The following PDE10A variants were observed in gnomAD, a reference collection of about 807,000 sequenced individuals.
The protein encoded by PDE10A is phosphodiesterase 10A, also known as cAMP and cAMP-inhibited cGMP 3',5'-cyclic phosphodiesterase 10A.
Under a neutral mutation model 97.7 loss-of-function variants are expected in PDE10A, and 39 were observed. The ratio of observed to expected loss-of-function variants is 0.40; its 90% CI spans 0.31 to 0.52. The LOEUF (loss-of-function observed/expected upper bound fraction) is 0.52. PDE10A is among the 20% of genes least tolerant of loss of function. The probability of loss-of-function intolerance (pLI) is 0.56; values close to 1 mark genes in which losing one functional copy is unlikely to be tolerated. For synonymous variants in PDE10A, 371 were observed against 376.8 expected (o/e 0.98, Z 0.18); for missense variants, 731 against 1,047.8 (o/e 0.70, Z 4.17).
chr6:165,428,657 C>A lies in PDE10A; in HGVS notation c.1653+1G>T. On this transcript the variant is annotated splice_donor_variant, in intron 10 of 21. Transcript: ENST00000539869. LOFTEE classifies it high-confidence loss of function. ...TCATACTCAGAACAAAAACAACCTA[C>A]CATTATGTGTTCAAGTAGAGAATCT... The A allele has an allele frequency of 7.7e-7, 1 of 1,304,384 alleles. No homozygotes were observed. Among genetic ancestry groups the A allele is most frequent in the East Asian group, 2.3e-5 (1 of 42,636 alleles). The allele number at this position is 1,304,384 out of a possible 1,614,324, so 80.8% of individuals were successfully genotyped here.
rs1789710158 is a variant in PDE10A at position 165,433,012 on chromosome 6, G to A, written c.1453C>T (p.His485Tyr). 2 of 1,613,926 alleles carry A rather than the reference G, an allele frequency of 1.2e-6. No individual in the cohort carries two copies. The highest frequency in any genetic ancestry group is 2.7e-5 in the African/African-American group (2 of 75,006). ...AGACAGAAGGCTTCTTTGCCCCAGT[G>A]CCGATACAGCTCGAGAATACCAATC... Reference protein sequence around the residue: ...DLIGILELYRHWGKEAFCLSH... With the variant: ...DLIGILELYRYWGKEAFCLSH... The change falls in exon 7 of 22, where the codon CAC becomes TAC. Residue 485 changes from histidine (H) to tyrosine (Y), a missense_variant. Physicochemically the swap from His to Tyr is moderately conservative, Grantham distance 83. This residue lies in a region of PDE10A where 152 missense variants were observed against 199.3 expected (regional missense o/e 0.76). Coordinates refer to ENST00000539869, the MANE Select transcript of PDE10A (RefSeq NM_001385079.1).
At chr6:165,431,351 G>T in intron 8 of PDE10A, 71 bp downstream of exon 8, 1 of 914,124 alleles carries the variant, frequency 1.1e-6, no homozygotes, top group Non-Finnish European at 1.7e-6. Flanking sequence ...CTCTATTCCG[G>T]TCTTCAATGC....
At chr6:165,604,673 A>C (rs1242201351) in intron 1 of PDE10A, among the ~76,000 whole-genome samples, 1 of 152,256 alleles carries the variant, frequency 6.6e-6, no homozygotes, top group East Asian at 1.9e-4. Flanking sequence ...TTTTACACTA[A>C]GGCGTAAAGC....
At chr6:165,854,986 GAGGA>G (rs1358804861) in intron 1 of PDE10A, among the ~76,000 whole-genome samples, 1 of 138,042 alleles carries the variant, frequency 7.2e-6, no homozygotes, top group Non-Finnish European at 1.6e-5. Flanking sequence ...GGAAGAGGAA[GAGGA>G]ATGAATGAAT....
At chr6:165,778,682 G>A (rs1778261792) in intron 1 of PDE10A, among the ~76,000 whole-genome samples, 1 of 152,188 alleles carries the variant, frequency 6.6e-6, no homozygotes. Context: ...TCAATAACGG[G>A]TAAGGATTTC....
intron 3 of PDE10A, among the ~76,000 whole-genome samples, chr6:165,481,446 G>T (rs908503861): frequency 6.6e-6 from 1 of 151,946 alleles, no homozygotes; most frequent in African/African-American, 2.4e-5. Context: ...GGTCATTTTA[G>T]AGATTTCTTT....
chr6:165,753,923 G>A (rs1299590761), intron 1 of PDE10A, among the ~76,000 whole-genome samples: 1 of 152,188 alleles, frequency 6.6e-6, no homozygotes, highest in Non-Finnish European at 1.5e-5. Flanking sequence ...AAACTAGTAA[G>A]AGACATAGTT....
At chr6:165,763,222 G>A (rs1377463042) in intron 1 of PDE10A, among the ~76,000 whole-genome samples, 1 of 152,310 alleles carries the variant, frequency 6.6e-6, no homozygotes, top group African/African-American at 2.4e-5. Context: ...ACCCTCTGTG[G>A]TGCCCCTGCT....
chr6:165,716,657 T>C (rs967080711), intron 1 of PDE10A, among the ~76,000 whole-genome samples: 1 of 152,044 alleles, frequency 6.6e-6, no homozygotes, highest in Non-Finnish European at 1.5e-5. Flanking sequence ...AACTTTATTT[T>C]CCCCCCACAT....
Position 165,672,498 on chromosome 6 carries a change from C to T in PDE10A, c.-614-128930G>A, listed in dbSNP as rs534733385. ...GAAAAACAGTGGTTGGATGGTGGTA[C>T]GGTTTGGCTGTGTCCCCACCCAAAT... On this transcript the variant is annotated intron_variant, in intron 1 of 19. Transcript: ENST00000366882. Among the ~76,000 whole-genome samples the T allele has an allele frequency of 2.2e-4, 34 of 152,250 alleles. 1 individual carries two copies. The highest frequency in any genetic ancestry group is 7.5e-4 in the African/African-American group (31 of 41,560).
At chr6:165,408,581 G>A (rs1787411708) in intron 13 of PDE10A, among the ~76,000 whole-genome samples, 4 of 152,070 alleles carry the variant, frequency 2.6e-5, no homozygotes, top group Admixed American at 6.5e-5. Flanking sequence ...ATTGAAACCA[G>A]CATACATTTG....
intron 1 of PDE10A, chr6:165,948,203 A>T (rs1341021978): frequency 6.6e-6 from 1 of 152,164 alleles, no homozygotes; most frequent in African/African-American, 2.4e-5. Flanking sequence ...TAAAAGTAAG[A>T]CCAAAATAAG....
intron 1 of PDE10A, among the ~76,000 whole-genome samples, chr6:165,971,219 T>TA (rs1044870086): frequency 1.2e-4 from 19 of 152,190 alleles, no homozygotes; most frequent in African/African-American, 4.3e-4. Context: ...AAATTTTTTT[T>TA]AAATGGCACA....
chr6:165,691,623 A>G (rs971314253), intron 1 of PDE10A, among the ~76,000 whole-genome samples: 6 of 151,366 alleles, frequency 4.0e-5, no homozygotes, highest in African/African-American at 7.3e-5. Context: ...ACACACACAC[A>G]CAGCATCGGT....
At chr6:165,446,330 C>T (rs1396188249) in intron 5 of PDE10A, among the ~76,000 whole-genome samples, 1 of 152,118 alleles carries the variant, frequency 6.6e-6, no homozygotes, top group Non-Finnish European at 1.5e-5. Flanking sequence ...AGATGGACGA[C>T]TTGAGATACA....
intron 1 of PDE10A, among the ~76,000 whole-genome samples, chr6:165,591,767 A>T (rs1297018661): frequency 6.6e-6 from 1 of 152,232 alleles, no homozygotes; most frequent in East Asian, 1.9e-4. Flanking sequence ...TCTACCTGAC[A>T]TTGCCTTGAA....
At chr6:165,498,287 A>G (rs774988292) in intron 2 of PDE10A, among the ~76,000 whole-genome samples, 4 of 151,422 alleles carry the variant, frequency 2.6e-5, no homozygotes, top group Non-Finnish European at 5.9e-5. Flanking sequence ...GCATGCACCT[A>G]TAGTCCTGGC....
intron 1 of PDE10A, chr6:165,781,978 T>A (rs1288201803): frequency 6.6e-6 from 1 of 152,198 alleles, no homozygotes; most frequent in African/African-American, 2.4e-5. Flanking sequence ...GGTTGTGACA[T>A]CAGCAACAGC....
chr6:165,636,424 CAT>C (rs1408118683), intron 1 of PDE10A, among the ~76,000 whole-genome samples: 5 of 152,272 alleles, frequency 3.3e-5, no homozygotes, highest in Middle Eastern at 3.4e-3. Flanking sequence ...ATATTCTACT[CAT>C]GTAGAATTTT....
Sources: gnomAD v4.1 joint callset for allele counts (sites outside exome capture counted in the v4.1 genomes callset) on GRCh38, gnomAD v4.1.1 for gene constraint, gnomAD v4.1.1 regional missense constraint, MANE v1.5 for transcripts, NCBI Gene and HGNC (gene_info 2026-07-23, HGNC 2026-07-21) for gene names.